Variants in CCDC170 observed in about 807,000 individuals in gnomAD.
CCDC170 encodes coiled-coil domain-containing protein 170.
Under a neutral mutation model 72.6 loss-of-function variants are expected in CCDC170, and 69 were observed. The ratio of observed to expected loss-of-function variants is 0.95; its 90% CI spans 0.78 to 1.16. The LOEUF (loss-of-function observed/expected upper bound fraction) is 1.16, where lower values mean the gene tolerates loss of function less well. Among genes scored for constraint, CCDC170 ranks in the 50% most tolerant of loss-of-function variants. CCDC170 has a pLI of 0.00. For synonymous variants in CCDC170, 300 were observed against 303.9 expected (o/e 0.99, Z 0.13); for missense variants, 852 against 832.5 (o/e 1.02, Z -0.29).
intron 1 of CCDC170, among the ~76,000 whole-genome samples, chr6:151,526,635 C>A (rs1342797904): frequency 1.3e-5 from 2 of 152,008 alleles, no homozygotes; most frequent in Non-Finnish European, 2.9e-5. Flanking sequence ...CCTGCCTCAG[C>A]CTCCTGAGTA....
At chr6:151,532,090 G>C (rs1000371750) in intron 1 of CCDC170, among the ~76,000 whole-genome samples, 2 of 152,108 alleles carry the variant, frequency 1.3e-5, no homozygotes, top group African/African-American at 4.8e-5. Flanking sequence ...AAATTGGAAA[G>C]AAGAAGGTGA....
At chr6:151,610,816 A>T (rs1195762823) in intron 9 of CCDC170, among the ~76,000 whole-genome samples, 2 of 152,020 alleles carry the variant, frequency 1.3e-5, no homozygotes, top group East Asian at 1.9e-4. Flanking sequence ...CTCACTTAGA[A>T]TTTTTTCTCC....
In CCDC170 at chr6:151,526,152, C is replaced by T. The variant is rs575274339; in HGVS notation, c.58-10166C>T. Among the ~76,000 whole-genome samples, 654 of 149,924 alleles carry T rather than the reference C, an allele frequency of 4.4e-3. 1 individual carries two copies. Among genetic ancestry groups the T allele is most frequent in the Non-Finnish European group, 6.8e-3 (455 of 67,378 alleles). On this transcript the variant is annotated intron_variant, in intron 1 of 10. Transcript: ENST00000239374. ...CCTTCCTTCCCTCCCTCCCTCTCTC[C>T]CTCCTTCCCTCCTTCCTTCTCTCTC...
intron 10 of CCDC170, among the ~76,000 whole-genome samples, chr6:151,616,862 A>T (rs1391997942): frequency 1.3e-5 from 2 of 152,142 alleles, no homozygotes; most frequent in African/African-American, 4.8e-5. Flanking sequence ...TTATAAGGGC[A>T]CTAATCTTAT....
chr6:151,545,984 C>T (rs1438351867), intron 4 of CCDC170, among the ~76,000 whole-genome samples: 1 of 151,920 alleles, frequency 6.6e-6, no homozygotes, highest in Non-Finnish European at 1.5e-5. Flanking sequence ...CACTATATTG[C>T]CCGGGCTAGT....
intron 1 of CCDC170, among the ~76,000 whole-genome samples, chr6:151,524,982 G>A (rs557047867): frequency 3.5e-5 from 5 of 141,042 alleles, no homozygotes; most frequent in East Asian, 2.2e-4. Context: ...GCCCAGGCTG[G>A]AGTGCAGTGG....
intron 1 of CCDC170, among the ~76,000 whole-genome samples, chr6:151,519,993 G>C (rs1782294497): frequency 6.6e-6 from 1 of 152,096 alleles, no homozygotes; most frequent in Admixed American, 6.6e-5. Context: ...TATACTTTAT[G>C]ATCTCCTATC....
At chr6:151,601,350 G>A (rs1000958849) in intron 9 of CCDC170, among the ~76,000 whole-genome samples, 3 of 152,106 alleles carry the variant, frequency 2.0e-5, no homozygotes, top group African/African-American at 7.2e-5. Flanking sequence ...ATGGCATTTG[G>A]GTGGTGACAC....
chr6:151,554,872 GTTTTT>G (rs1173500486), intron 5 of CCDC170, among the ~76,000 whole-genome samples: 1 of 102,318 alleles, frequency 9.8e-6, no homozygotes, highest in African/African-American at 3.7e-5. Context: ...TTGGACCTCA[GTTTTT>G]TTTTTTTTTT....
chr6:151,583,281 C>T (rs982412109), intron 6 of CCDC170, among the ~76,000 whole-genome samples: 1 of 151,910 alleles, frequency 6.6e-6, no homozygotes, highest in African/African-American at 2.4e-5. Context: ...GCGTGAGCCA[C>T]CGTGCCTGGC....
intron 7 of CCDC170, among the ~76,000 whole-genome samples, chr6:151,591,981 C>A (rs1346743945): frequency 6.6e-6 from 1 of 151,536 alleles, no homozygotes; most frequent in Non-Finnish European, 1.5e-5. Context: ...CAGTGACAAC[C>A]TTTGAGGCCA....
At chr6:151,597,697 G>A (rs1461513365) in intron 9 of CCDC170, among the ~76,000 whole-genome samples, 2 of 152,164 alleles carry the variant, frequency 1.3e-5, no homozygotes, top group Admixed American at 6.5e-5. Flanking sequence ...TCTAACGAAG[G>A]CAGAGCAAAA....
chr6:151,525,151 C>T (rs947144689), intron 1 of CCDC170, among the ~76,000 whole-genome samples: 1 of 152,128 alleles, frequency 6.6e-6, no homozygotes, highest in African/African-American at 2.4e-5. Flanking sequence ...CCAGGATAGT[C>T]TCAATCTCCT....
At chr6:151,600,693 T>C (rs1221009035) in intron 9 of CCDC170, among the ~76,000 whole-genome samples, 1 of 152,208 alleles carries the variant, frequency 6.6e-6, no homozygotes. Context: ...CAATATAAAA[T>C]AATAATTTGA....
At chr6:151,516,570 A>G (rs1475335195) in intron 1 of CCDC170, among the ~76,000 whole-genome samples, 1 of 152,132 alleles carries the variant, frequency 6.6e-6, no homozygotes, top group African/African-American at 2.4e-5. Context: ...CACCAAGAAG[A>G]TTAAGGACAC....
intron 6 of CCDC170, among the ~76,000 whole-genome samples, chr6:151,580,505 C>A (rs1776365638): frequency 6.6e-6 from 1 of 151,922 alleles, no homozygotes; most frequent in Admixed American, 6.6e-5. Flanking sequence ...ACTAATATAG[C>A]TATGAATGTA....
intron 6 of CCDC170, among the ~76,000 whole-genome samples, chr6:151,581,684 C>G (rs1776381095): frequency 6.6e-6 from 1 of 152,330 alleles, no homozygotes; most frequent in East Asian, 1.9e-4. Context: ...AGGAATCACT[C>G]TCTATGGCAG....
At chr6:151,507,636 A>G (rs76969132) in intron 1 of CCDC170, among the ~76,000 whole-genome samples, 11,341 of 152,168 alleles carry the variant, frequency 0.075, 524 homozygotes, top group East Asian at 0.17. Flanking sequence ...ACATTGATAA[A>G]TATTGGCCAG....
intron 1 of CCDC170, among the ~76,000 whole-genome samples, chr6:151,534,712 T>C (rs1223792924): frequency 6.6e-6 from 1 of 152,230 alleles, no homozygotes; most frequent in Non-Finnish European, 1.5e-5. Flanking sequence ...CTCCGAAGGT[T>C]TTGTTTGGCA....
Sources: allele counts gnomAD v4.1 joint callset (sites outside exome capture counted in the v4.1 genomes callset), GRCh38; gene constraint gnomAD v4.1.1; transcripts MANE v1.5; gene names NCBI Gene and HGNC (gene_info 2026-07-23, HGNC 2026-07-21).